The following GALNT13 variants were observed in gnomAD, a reference collection of about 807,000 sequenced individuals.
The protein encoded by GALNT13 is polypeptide N-acetylgalactosaminyltransferase 13.
Under a neutral mutation model 64.2 loss-of-function variants are expected in GALNT13, and 28 were observed. That is an observed-to-expected ratio of 0.44 (90% CI 0.32 to 0.60). The LOEUF is 0.60. Ranked by LOEUF, GALNT13 falls within the 20% of genes least tolerant of loss-of-function variation. The pLI is 0.05. For missense variants in GALNT13, 577 were observed against 669.8 expected, an observed-to-expected ratio of 0.86 and a Z score of 1.53; for synonymous variants, 214 against 224.6, an observed-to-expected ratio of 0.95 and a Z score of 0.42.
chr2:154,371,252 T>C (rs1246085932), intron 9 of GALNT13, among the ~76,000 whole-genome samples: 2 of 152,118 alleles, frequency 1.3e-5, no homozygotes, highest in African/African-American at 4.8e-5. Context: ...CATGGAACTT[T>C]AGAGAATTTC....
the GALNT13 span, among the ~76,000 whole-genome samples, chr2:153,705,303 C>T: frequency 1.3e-4 from 20 of 151,748 alleles, no homozygotes; most frequent in African/African-American, 4.6e-4. Context: ...TTTCTGCCCT[C>T]TCTAAGTCAT....
chr2:153,463,407 T>C, the GALNT13 span, among the ~76,000 whole-genome samples: 1 of 152,070 alleles, frequency 6.6e-6, no homozygotes, highest in Non-Finnish European at 1.5e-5. Context: ...GTTCGTTGCC[T>C]AGGATCTAAT....
chr2:153,881,949 A>G (rs551856857), intron 1 of GALNT13, among the ~76,000 whole-genome samples: 1 of 152,234 alleles, frequency 6.6e-6, no homozygotes, highest in South Asian at 2.1e-4. Flanking sequence ...GCAATAGTGT[A>G]ATAATTTTGT....
At chr2:153,660,191 C>T in the GALNT13 span, among the ~76,000 whole-genome samples, 1 of 152,076 alleles carries the variant, frequency 6.6e-6, no homozygotes, top group Non-Finnish European at 1.5e-5. Flanking sequence ...ATTAGGTTGT[C>T]CATTAAACTT....
rs780790184 is a variant in GALNT13 at position 154,452,451 on chromosome 2, A to G, written c.*1900A>G. Reference sequence around the variant, plus strand: ...CTAAGGTAAAAAGACCCTGCACAGCATTATTACTTAAGTTGAAAAAGCTTC... The same window carrying G: ...CTAAGGTAAAAAGACCCTGCACAGCGTTATTACTTAAGTTGAAAAAGCTTC... On this transcript the variant is annotated 3_prime_UTR_variant, in exon 13 of 13. Coordinates refer to ENST00000392825, the MANE Select transcript of GALNT13 (RefSeq NM_052917.4). The G allele has an allele frequency of 1.3e-5, 2 of 152,078 alleles. No homozygotes were observed. The highest frequency in any genetic ancestry group is 4.8e-5 in the African/African-American group (2 of 41,406). The allele number at this position is 152,078 out of a possible 1,614,324, so 9.4% of individuals were successfully genotyped here. A position where few individuals can be genotyped will look rare whatever the true frequency, so the allele number is the denominator to read the frequency against.
the GALNT13 span, among the ~76,000 whole-genome samples, chr2:153,361,692 C>G: frequency 6.6e-6 from 1 of 151,744 alleles, no homozygotes; most frequent in Non-Finnish European, 1.5e-5. Context: ...TGAAAAGGAA[C>G]AAACAAAACC....
At chr2:153,661,163 T>A in the GALNT13 span, among the ~76,000 whole-genome samples, 2 of 151,966 alleles carry the variant, frequency 1.3e-5, no homozygotes, top group Non-Finnish European at 2.9e-5. Context: ...CCAATTCACT[T>A]AACCTGCTTG....
chr2:154,368,352 A>G (rs532789975), intron 9 of GALNT13, among the ~76,000 whole-genome samples: 3 of 152,114 alleles, frequency 2.0e-5, no homozygotes, highest in Admixed American at 6.5e-5. Flanking sequence ...CCCTGCCAAC[A>G]CTAAGGTCAC....
At chr2:153,457,296 G>A in the GALNT13 span, among the ~76,000 whole-genome samples, 1 of 152,200 alleles carries the variant, frequency 6.6e-6, no homozygotes, top group Non-Finnish European at 1.5e-5. Context: ...AAATGTATAA[G>A]TTACTGTTGC....
At chr2:153,343,733 A>G in the GALNT13 span, among the ~76,000 whole-genome samples, 1 of 152,006 alleles carries the variant, frequency 6.6e-6, no homozygotes, top group Non-Finnish European at 1.5e-5. Flanking sequence ...CATGATATCC[A>G]TATTTTCCCC....
At chr2:153,564,100 T>C in the GALNT13 span, among the ~76,000 whole-genome samples, 5 of 152,162 alleles carry the variant, frequency 3.3e-5, no homozygotes, top group African/African-American at 1.2e-4. Flanking sequence ...CAGGTCATCC[T>C]GCTAGTGGTG....
chr2:154,376,028 A>G lies in GALNT13; in HGVS notation c.1157-19963A>G, dbSNP rs557316292. ...TTTTACAAAATACAAAGCCCACAATATATCACAAAAGAGAGACAAAAGGAA... is the reference window on the plus strand; with the variant it reads ...TTTTACAAAATACAAAGCCCACAATGTATCACAAAAGAGAGACAAAAGGAA... On this transcript the variant is annotated intron_variant, in intron 9 of 12. Coordinates refer to ENST00000392825, the MANE Select transcript of GALNT13 (RefSeq NM_052917.4). Among the ~76,000 whole-genome samples the G allele has an allele frequency of 7.2e-5, 11 of 152,342 alleles. No homozygotes were observed. The South Asian group carries it at 2.3e-3, about 32-fold the overall frequency.
At chr2:153,562,405 C>T in the GALNT13 span, among the ~76,000 whole-genome samples, 15 of 152,062 alleles carry the variant, frequency 9.9e-5, no homozygotes, top group African/African-American at 3.4e-4. Flanking sequence ...CCAAATCACA[C>T]CCTATCGAGG....
chr2:153,656,287 A>G, the GALNT13 span, among the ~76,000 whole-genome samples: 89 of 150,890 alleles, frequency 5.9e-4, no homozygotes, highest in African/African-American at 2.0e-3. Context: ...GCTTTGTTAT[A>G]TGTTTGACCA....
intron 4 of GALNT13, among the ~76,000 whole-genome samples, chr2:154,183,200 T>G (rs1686058630): frequency 6.6e-6 from 1 of 152,176 alleles, no homozygotes; most frequent in Non-Finnish European, 1.5e-5. Flanking sequence ...TCAATGTTTT[T>G]AGTTGTAATT....
At chr2:153,849,047 T>C in the GALNT13 span, among the ~76,000 whole-genome samples, 1 of 151,936 alleles carries the variant, frequency 6.6e-6, no homozygotes. Flanking sequence ...AGTATTTAAA[T>C]ATAATTAGCA....
chr2:153,436,932 G>T, the GALNT13 span, among the ~76,000 whole-genome samples: 134 of 152,004 alleles, frequency 8.8e-4, no homozygotes, highest in African/African-American at 3.1e-3. Flanking sequence ...TGTCAATTTT[G>T]GATCTTTCCT....
chr2:154,187,941 G>A (rs1204803110), intron 4 of GALNT13, among the ~76,000 whole-genome samples: 1 of 151,812 alleles, frequency 6.6e-6, no homozygotes, highest in Non-Finnish European at 1.5e-5. Context: ...GTATTGATGA[G>A]AAGAATTCCC....
the GALNT13 span, among the ~76,000 whole-genome samples, chr2:153,233,481 ATT>A: frequency 7.5e-6 from 1 of 132,678 alleles, no homozygotes; most frequent in African/African-American, 2.8e-5. Context: ...ATAATACCTT[ATT>A]TTTAAAAAAA....
Sources: gnomAD v4.1 joint callset for allele counts (sites outside exome capture counted in the v4.1 genomes callset) on GRCh38, gnomAD v4.1.1 for gene constraint, MANE v1.5 for transcripts, NCBI Gene and HGNC (gene_info 2026-07-23, HGNC 2026-07-21) for gene names.